ATP6V0A2: variants seen among roughly 807,000 people sequenced by gnomAD.
The protein encoded by ATP6V0A2 is V-type proton ATPase 116 kDa subunit a 2.
ATP6V0A2 carries 58 observed loss-of-function variants against 104.4 expected under a neutral mutation model. The ratio of observed to expected loss-of-function variants is 0.56; its 90% CI spans 0.45 to 0.69. The LOEUF (loss-of-function observed/expected upper bound fraction) is 0.69, where lower values mean the gene tolerates loss of function less well. Among genes scored for constraint, ATP6V0A2 ranks in the 30% least tolerant of loss-of-function variants. The probability of loss-of-function intolerance (pLI) is 0.00; values close to 1 mark genes in which losing one functional copy is unlikely to be tolerated. For missense variants in ATP6V0A2, 938 were observed against 1,062.9 expected, an observed-to-expected ratio of 0.88 and a Z score of 1.63; for synonymous variants, 376 against 397.9, an observed-to-expected ratio of 0.95 and a Z score of 0.65.
At chr12:123,745,762 A>G (rs1026932521) in intron 13 of ATP6V0A2, among the ~76,000 whole-genome samples, 1 of 151,456 alleles carries the variant, frequency 6.6e-6, no homozygotes, top group Non-Finnish European at 1.5e-5. Flanking sequence ...AGGACCCCCA[A>G]CCCCTTCGAG....
intron 3 of ATP6V0A2, among the ~76,000 whole-genome samples, chr12:123,722,935 C>T (rs1956414129): frequency 1.3e-5 from 2 of 152,088 alleles, no homozygotes; most frequent in African/African-American, 4.8e-5. Context: ...GGGTGGGCAG[C>T]AAGCAGCGTT....
rs941238473 is a variant in ATP6V0A2, at chr12:123,754,490, A to G, written c.2246A>G (p.Asn749Ser). Residue 749 changes from asparagine to serine, a missense_variant, in exon 18 of 20, where the codon AAC (asparagine) becomes AGC (serine). Physicochemically the swap from Asn to Ser is conservative, Grantham distance 46 (BLOSUM62 1). Coordinates refer to ENST00000330342, the MANE Select transcript of ATP6V0A2 (RefSeq NM_012463.4). ...SIEYCLGCIS[N>S]TASYLRLWAL... The stretch of plus-strand genomic sequence containing the variant: ...GAGTACTGTCTGGGATGCATCTCCA[A>G]CACCGCCTCCTACCTGAGGCTCTGG... 11 of 1,614,022 alleles carry G rather than the reference A, an allele frequency of 6.8e-6. No individual in the cohort carries two copies. The African/African-American group carries it at 1.2e-4, about 18-fold the overall frequency.
chr12:123,751,855 T>C (rs1379649655), intron 16 of ATP6V0A2, among the ~76,000 whole-genome samples: 1 of 111,218 alleles, frequency 9.0e-6, no homozygotes, highest in Non-Finnish European at 2.0e-5. Context: ...CTTTTCTTTC[T>C]TTCTTTCTTT....
intron 18 of ATP6V0A2, 180 bp from the exon 19 acceptor site, chr12:123,756,635 A>C: frequency 1.6e-6 from 1 of 625,620 alleles, no homozygotes; most frequent in Non-Finnish European, 2.8e-6. Context: ...AGTGTTTGAG[A>C]CCGTCTCGGA....
In ATP6V0A2 at chr12:123,754,534, G is replaced by A. The variant is rs752522705; in HGVS notation, c.2290G>A (p.Ala764Thr). 11 of 1,612,438 alleles carry A rather than the reference G, an allele frequency of 6.8e-6. No individual in the cohort carries two copies. In the South Asian group the frequency reaches 9.9e-5, roughly 14 times the overall value. Reference sequence around the variant, plus strand: ...GCTCTGGGCGCTTAGCCTGGCTCACGCACGTAAGTTCCTGCTTAGACCTGC... The same window carrying A: ...GCTCTGGGCGCTTAGCCTGGCTCACACACGTAAGTTCCTGCTTAGACCTGC... ...LRLWALSLAH[A>T]QLSDVLWAML... is the part of the protein sequence containing the mutation. Residue 764 changes from alanine to threonine, a missense_variant, in exon 18 of 20, where the codon GCA becomes ACA. Ala to Thr is a moderately conservative substitution (Grantham distance 58). Transcript: ENST00000330342.
At chr12:123,751,516 T>C (rs1187934469) in intron 16 of ATP6V0A2, among the ~76,000 whole-genome samples, 3 of 152,038 alleles carry the variant, frequency 2.0e-5, no homozygotes, top group Non-Finnish European at 2.9e-5. Flanking sequence ...TAAGCCGGTG[T>C]GGTGGTGTGC....
At chr12:123,740,997 T>C (rs1221413742) in intron 9 of ATP6V0A2, among the ~76,000 whole-genome samples, 1 of 152,140 alleles carries the variant, frequency 6.6e-6, no homozygotes, top group Non-Finnish European at 1.5e-5. Flanking sequence ...TAAGTTACAA[T>C]GGTTTTATTT....
intron 15 of ATP6V0A2, chr12:123,750,307 T>G (rs1956702318): frequency 6.6e-6 from 1 of 152,418 alleles, no homozygotes. Context: ...CTCAGCGGTC[T>G]GTAGGGCCAG....
At chr12:123,743,741 C>G in intron 9 of ATP6V0A2, 44 bp from the exon 10 acceptor site, 1 of 1,608,924 alleles carries the variant, frequency 6.2e-7, no homozygotes, top group South Asian at 1.1e-5. Context: ...TAGTTATTTT[C>G]TTCTTGGATA....
intron 2 of ATP6V0A2, among the ~76,000 whole-genome samples, chr12:123,722,143 C>T (rs1332910853): frequency 6.6e-6 from 1 of 152,148 alleles, no homozygotes; most frequent in Non-Finnish European, 1.5e-5. Context: ...TTTATTTTGT[C>T]ACTGCATGCA....
At chr12:123,754,857 G>A (rs1272997667) in intron 18 of ATP6V0A2, 6 of 387,928 alleles carry the variant, frequency 1.5e-5, no homozygotes, top group Non-Finnish European at 2.4e-5. Flanking sequence ...GTAAGCACTT[G>A]CTACTGTTGC....
At chr12:123,750,726 C>T (rs139383386) in intron 15 of ATP6V0A2, 431 of 293,652 alleles carry the variant, frequency 1.5e-3, no homozygotes, top group African/African-American at 7.8e-3. Flanking sequence ...AGTCCTCAGA[C>T]GGTCTTTATA....
At position 123,744,004 on chromosome 12, in the gene ATP6V0A2, A is replaced by AT; in HGVS notation, c.1189+70dup. 2 of 1,598,786 alleles carry AT rather than the reference A, an allele frequency of 1.3e-6. No individual in the cohort carries two copies. ...GTTGCATTCTTGCTCTAAGAATGGA[A>AT]TAGATATTTGGAAAGAGAGGCTGAC... is the stretch of plus-strand genomic sequence containing the variant. On this transcript the variant is annotated intron_variant, in intron 10 of 19. Transcript: ENST00000330342. This position sits in a 1 kb window ranked among gnomAD's most constrained non-coding sequence, Gnocchi z 5.4.
intron 13 of ATP6V0A2, 65 bp downstream of exon 13, chr12:123,745,037 A>C: frequency 6.7e-7 from 1 of 1,495,292 alleles, no homozygotes. Flanking sequence ...TTCGGGCGCC[A>C]CGAGTTTCTC....
intron 15 of ATP6V0A2, among the ~76,000 whole-genome samples, chr12:123,749,206 T>C (rs1158471985): frequency 6.6e-6 from 1 of 152,146 alleles, no homozygotes; most frequent in Non-Finnish European, 1.5e-5. Flanking sequence ...GGAGGATCGC[T>C]TGAGCCCAGG....
At chr12:123,718,091 ATT>A (rs57967439) in intron 1 of ATP6V0A2, among the ~76,000 whole-genome samples, 315 of 142,828 alleles carry the variant, frequency 2.2e-3, no homozygotes, top group Admixed American at 3.9e-3. Context: ...TGCCTGGCTA[ATT>A]TTTTTTTTTT....
chr12:123,722,375 G>A lies in ATP6V0A2; in HGVS notation c.221G>A (p.Arg74Lys). 6.2e-7 allele frequency: 1 copy of A among 1,609,836 alleles called. No individual in the cohort carries two copies. Among genetic ancestry groups the A allele is most frequent in the Non-Finnish European group, 8.5e-7 (1 of 1,176,156 alleles). The change falls in exon 3 of 20, where the codon AGA becomes AAA. Residue 74 changes from arginine (R) to lysine (K), a missense_variant. Coordinates refer to ENST00000330342, the MANE Select transcript of ATP6V0A2 (RefSeq NM_012463.4). The part of the protein sequence containing the change: ...ILVYLVQEIN[R>K]ADIPLPEGEA... ...GTGTATTTGGTACAGGAAATTAATA[G>A]AGCTGATATTCCCCTTCCTGAAGGA...
intron 1 of ATP6V0A2, among the ~76,000 whole-genome samples, chr12:123,714,608 A>G (rs982507483): frequency 2.6e-5 from 4 of 152,182 alleles, no homozygotes; most frequent in African/African-American, 9.7e-5. Flanking sequence ...GGGAGTATCA[A>G]TGGCTGTGAA....
rs751193174 is a variant in ATP6V0A2, at chr12:123,756,848, G to GCGTGGGCCTCCGCGTTGACACCACCTA, written c.2328_2354dup (p.Val777_Tyr785dup). ...GATGTCCTGTGGGCCATGCTGATGC[G>GCGTGGGCCTCCGCGTTGACACCACCTA]CGTGGGCCTCCGCGTTGACACCACC... On this transcript the variant is annotated inframe_insertion, in exon 19 of 20. Coordinates refer to ENST00000330342, the MANE Select transcript of ATP6V0A2 (RefSeq NM_012463.4). 11 of 1,614,010 alleles carry GCGTGGGCCTCCGCGTTGACACCACCTA rather than the reference G, an allele frequency of 6.8e-6. No individual in the cohort carries two copies. The South Asian group carries it at 1.2e-4, about 18-fold the overall frequency.
Sources: allele counts gnomAD v4.1 joint callset (sites outside exome capture counted in the v4.1 genomes callset), GRCh38; gene constraint gnomAD v4.1.1; non-coding constraint Gnocchi (gnomAD v3.1); transcripts MANE v1.5; gene names NCBI Gene and HGNC (gene_info 2026-07-23, HGNC 2026-07-21).